C17orf107: variants seen among roughly 807,000 people sequenced by gnomAD.
C17orf107 encodes chromosome 17 open reading frame 107.
C17orf107 carries 9 observed loss-of-function variants against 8.9 expected under a neutral mutation model. The ratio of observed to expected loss-of-function variants is 1.02; its 90% CI spans 0.61 to 1.77. The LOEUF (loss-of-function observed/expected upper bound fraction) is 1.77, where lower values mean the gene tolerates loss of function less well. C17orf107 is among the 40% of genes most tolerant of loss of function. C17orf107 has a pLI of 0.00. For missense variants in C17orf107, 281 were observed against 249.0 expected (o/e 1.13, Z -0.86); for synonymous variants, 139 against 120.3 (o/e 1.16, Z -1.02).
rs745376445 is a variant in C17orf107, at chr17:4,901,216, G to A, written c.*683G>A. The A allele has an allele frequency of 6.3e-7, 1 of 1,594,790 alleles. No homozygotes were observed. The stretch of plus-strand genomic sequence containing the variant: ...CTGCGGGACGGGGGCACGGTCAGCT[G>A]GCTGTCAGAGCGGGGCGCCCGCCGA... On this transcript the variant is annotated 3_prime_UTR_variant, in exon 3 of 3. Transcript: ENST00000381365.
rs1264809873 is a variant in C17orf107 at position 4,900,384 on chromosome 17, G to A, written c.424G>A (p.Ala142Thr). 3 of 1,549,676 alleles carry A rather than the reference G, an allele frequency of 1.9e-6. No homozygotes were observed. Among genetic ancestry groups the A allele is most frequent in the Admixed American group, 2.0e-5 (1 of 50,964 alleles). ...GVRQAGAAVGASARLLVQGAW... is the reference protein window; with the variant it reads ...GVRQAGAAVGTSARLLVQGAW... Reference sequence around the variant, plus strand: ...TCGGCAAGCTGGGGCTGCGGTGGGCGCCAGCGCCCGGCTCCTAGTCCAGGG... The same window carrying A: ...TCGGCAAGCTGGGGCTGCGGTGGGCACCAGCGCCCGGCTCCTAGTCCAGGG... The change falls in exon 3 of 3, where the codon GCC becomes ACC. Residue 142 changes from alanine (A) to threonine (T), a missense_variant. By Grantham distance (58) the Ala-to-Thr change is moderately conservative. Transcript: ENST00000381365.
rs942266501 is a variant in C17orf107 at position 4,901,812 on chromosome 17, A to G, written c.*1279A>G. ...CGCTGGAGCGTCCCACCCAGTGCCT[A>G]CGCCTGGCTCCGCCTCCAGCGCGAA... On this transcript the variant is annotated 3_prime_UTR_variant, in exon 3 of 3. Coordinates refer to ENST00000381365, the MANE Select transcript of C17orf107 (RefSeq NM_001145536.2). The G allele has an allele frequency of 1.4e-6, 2 of 1,456,172 alleles. No individual in the cohort carries two copies. Among genetic ancestry groups the G allele is most frequent in the African/African-American group, 1.4e-5 (1 of 70,962 alleles). The allele number at this position is 1,456,172 out of a possible 1,614,324, so 90.2% of individuals were successfully genotyped here.
chr17:4,906,421 T>C (rs1239994917), downstream of C17orf107, among the ~76,000 whole-genome samples: 4 of 152,160 alleles, frequency 2.6e-5, no homozygotes, highest in African/African-American at 2.4e-5. Flanking sequence ...ATACAGTTAA[T>C]ATAAATTCAC....
Position 4,902,449 on chromosome 17 carries a change from C to T in C17orf107, c.*1916C>T. The T allele has an allele frequency of 6.2e-7, 1 of 1,614,190 alleles. No homozygotes were observed. The highest frequency in any genetic ancestry group is 2.2e-5 in the East Asian group (1 of 44,880). ...CACACCATTCCCCAGATTTGACTCA[C>T]GATTCCAATCCAGACGCTAGTGGTG... On this transcript the variant is annotated 3_prime_UTR_variant, in exon 3 of 3. Transcript: ENST00000381365. This position sits in a 1 kb window ranked among gnomAD's most constrained non-coding sequence, Gnocchi z 4.0.
At chr17:4,904,018 C>T (rs999383618), downstream of C17orf107, among the ~76,000 whole-genome samples, 2 of 152,122 alleles carry the variant, frequency 1.3e-5, no homozygotes, top group African/African-American at 2.4e-5. Context: ...CCACCATGCC[C>T]GGCTAATTTT....
downstream of C17orf107, chr17:4,902,995 G>GC (rs1567640441): frequency 6.2e-7 from 1 of 1,613,908 alleles, no homozygotes; most frequent in South Asian, 1.1e-5. The surrounding 1 kb of genome is among the most constrained non-coding windows in gnomAD (Gnocchi z 4.0). Flanking sequence ...GTGTCCAATT[G>GC]CCCCTCTAGC....
Position 4,902,110 on chromosome 17 carries a change from C to G in C17orf107, c.*1577C>G. ...ATACTGTGGGCTCGGGGAAACCGAG[C>G]TTTTTGCACAGGTCTGCACCCTCTC... On this transcript the variant is annotated 3_prime_UTR_variant, in exon 3 of 3. Coordinates refer to ENST00000381365, the MANE Select transcript of C17orf107 (RefSeq NM_001145536.2). The surrounding 1 kb of genome is among the most constrained non-coding windows in gnomAD (Gnocchi z 4.0). 1 of 1,613,862 alleles carries G rather than the reference C, an allele frequency of 6.2e-7. No individual in the cohort carries two copies. Among genetic ancestry groups the G allele is most frequent in the Admixed American group, 1.7e-5 (1 of 60,008 alleles).
At chr17:4,905,475 G>A (rs964915451), downstream of C17orf107, among the ~76,000 whole-genome samples, 28 of 152,142 alleles carry the variant, frequency 1.8e-4, no homozygotes, top group Admixed American at 1.6e-3. Context: ...TGAGGCGGGA[G>A]GATTGCTTGA....
chr17:4,901,042 G>A lies in C17orf107; in HGVS notation c.*509G>A. On this transcript the variant is annotated 3_prime_UTR_variant, in exon 3 of 3. Transcript: ENST00000381365. ...GCACCAGGCCCGAGATGAGCACACAGGGCACGATGATGTTAATGACGTAGA... is the reference window on the plus strand; with the variant it reads ...GCACCAGGCCCGAGATGAGCACACAAGGCACGATGATGTTAATGACGTAGA... 1 of 1,614,070 alleles carries A rather than the reference G, an allele frequency of 6.2e-7. No homozygotes were observed. The highest frequency in any genetic ancestry group is 8.5e-7 in the Non-Finnish European group (1 of 1,179,966).
Position 4,901,199 on chromosome 17 carries a change from C to T in C17orf107, c.*666C>T, listed in dbSNP as rs1382185555. 9 of 1,599,636 alleles carry T rather than the reference C, an allele frequency of 5.6e-6. No individual in the cohort carries two copies. Among genetic ancestry groups the T allele is most frequent in the African/African-American group, 5.3e-5 (4 of 74,814 alleles). Reference sequence around the variant, plus strand: ...GGCCCACTCGCCGTTCTCTGCGGGACGGGGGCACGGTCAGCTGGCTGTCAG... The same window carrying T: ...GGCCCACTCGCCGTTCTCTGCGGGATGGGGGCACGGTCAGCTGGCTGTCAG... On this transcript the variant is annotated 3_prime_UTR_variant, in exon 3 of 3. Coordinates refer to ENST00000381365, the MANE Select transcript of C17orf107 (RefSeq NM_001145536.2).
In C17orf107 at chr17:4,900,291, C is replaced by T. The variant is rs1164313708; in HGVS notation, c.331C>T (p.Pro111Ser). 3.2e-5 allele frequency: 49 copies of T among 1,545,290 alleles called. No individual in the cohort carries two copies. Among genetic ancestry groups the T allele is most frequent in the Non-Finnish European group, 3.9e-5 (45 of 1,146,646 alleles). The change falls in exon 3 of 3, where the codon CCA becomes TCA. Residue 111 changes from proline to serine, a missense_variant. Transcript: ENST00000381365. ...EARRLDGSAG[P>S]APDGRDPGAA... Reference sequence around the variant, plus strand: ...GCGGCGACTAGACGGCAGCGCGGGCCCAGCCCCAGACGGCAGGGATCCGGG... The same window carrying T: ...GCGGCGACTAGACGGCAGCGCGGGCTCAGCCCCAGACGGCAGGGATCCGGG...
rs1970002532 is a variant in C17orf107, at chr17:4,901,909, G to A, written c.*1376G>A. ...GCCCCCCCCCAACAATAATCGTCCG[G>A]GCCTCGGAGTAGCTCTTCCCACCGG... On this transcript the variant is annotated 3_prime_UTR_variant, in exon 3 of 3. Coordinates refer to ENST00000381365, the MANE Select transcript of C17orf107 (RefSeq NM_001145536.2). 1 of 1,587,446 alleles carries A rather than the reference G, an allele frequency of 6.3e-7. No individual in the cohort carries two copies. The highest frequency in any genetic ancestry group is 1.4e-5 in the African/African-American group (1 of 73,712).
chr17:4,906,429 C>T (rs1324043241), downstream of C17orf107, among the ~76,000 whole-genome samples: 1 of 152,078 alleles, frequency 6.6e-6, no homozygotes, highest in Non-Finnish European at 1.5e-5. Flanking sequence ...AATATAAATT[C>T]ACTCTATCCT....
chr17:4,899,987 G>T lies in C17orf107; in HGVS notation c.118G>T (p.Ala40Ser). Residue 40 changes from alanine (A) to serine (S), a missense_variant, in exon 2 of 3, where the codon GCC becomes TCC. Physicochemically the swap from Ala to Ser is moderately conservative, Grantham distance 99 (BLOSUM62 1). Coordinates refer to ENST00000381365, the MANE Select transcript of C17orf107 (RefSeq NM_001145536.2). ...TTCCCTGGAACTCTCCGTGGCCGCAGCCCATGAATATCTGGAGCAGAGGTT... is the reference window on the plus strand; with the variant it reads ...TTCCCTGGAACTCTCCGTGGCCGCATCCCATGAATATCTGGAGCAGAGGTT... ...LSSLELSVAA[A>S]HEYLEQRFRE... is the part of the protein sequence containing the mutation. The T allele has an allele frequency of 6.4e-7, 1 of 1,551,554 alleles. No homozygotes were observed. The highest frequency in any genetic ancestry group is 2.4e-5 in the East Asian group (1 of 40,926).
Position 4,902,893 on chromosome 17 carries a change from T to C in C17orf107, c.*2360T>C. The stretch of plus-strand genomic sequence containing the variant: ...TATCAGTATCTGTCTCCTAAACCAA[T>C]TATGCTGTGCCTGGGAACGAAATAC... On this transcript the variant is annotated 3_prime_UTR_variant, in exon 3 of 3. Coordinates refer to ENST00000381365, the MANE Select transcript of C17orf107 (RefSeq NM_001145536.2). The surrounding 1 kb of genome is among the most constrained non-coding windows in gnomAD (Gnocchi z 4.0). 1 of 1,581,832 alleles carries C rather than the reference T, an allele frequency of 6.3e-7. No individual in the cohort carries two copies. The highest frequency in any genetic ancestry group is 8.7e-7 in the Non-Finnish European group (1 of 1,151,638).
At chr17:4,904,893 C>T (rs1266986496), downstream of C17orf107, among the ~76,000 whole-genome samples, 1 of 152,178 alleles carries the variant, frequency 6.6e-6, no homozygotes, top group Admixed American at 6.5e-5. Context: ...CTTATCAACC[C>T]CACGATTTCC....
rs1039173948 is a variant in C17orf107, at chr17:4,899,984, G to A, written c.115G>A (p.Ala39Thr). The A allele has an allele frequency of 9.0e-6, 14 of 1,551,366 alleles. No individual in the cohort carries two copies. Among genetic ancestry groups the A allele is most frequent in the Non-Finnish European group, 1.0e-5 (12 of 1,146,962 alleles). The part of the protein sequence containing the change: ...LLSSLELSVA[A>T]AHEYLEQRFR... ...GTCTTCCCTGGAACTCTCCGTGGCCGCAGCCCATGAATATCTGGAGCAGAG... is the reference window on the plus strand; with the variant it reads ...GTCTTCCCTGGAACTCTCCGTGGCCACAGCCCATGAATATCTGGAGCAGAG... Residue 39 changes from alanine (A) to threonine (T), a missense_variant, in exon 2 of 3, where the codon GCA (alanine) becomes ACA (threonine). Ala to Thr is a moderately conservative substitution (Grantham distance 58). Transcript: ENST00000381365.
At position 4,901,303 on chromosome 17, in the gene C17orf107, TG is replaced by T. The variant is rs1969977472; in HGVS notation, c.*775del. 6 of 1,217,946 alleles carry T rather than the reference TG, an allele frequency of 4.9e-6. No individual in the cohort carries two copies. Among genetic ancestry groups the T allele is most frequent in the Non-Finnish European group, 7.0e-6 (6 of 851,846 alleles). 75.4% of individuals were successfully genotyped at this position (1,217,946 alleles called of 1,614,324 possible). On this transcript the variant is annotated 3_prime_UTR_variant, in exon 3 of 3. Transcript: ENST00000381365. ...GCACCAGGGTCATGGGCCGTCAGGA[TG>T]GGGGCAATTACGGACAGAAAAGGGC...
chr17:4,901,873 C>G lies in C17orf107; in HGVS notation c.*1340C>G. The G allele has an allele frequency of 2.0e-6, 3 of 1,476,116 alleles. No homozygotes were observed. Among genetic ancestry groups the G allele is most frequent in the African/African-American group, 1.4e-5 (1 of 70,804 alleles). The allele number at this position is 1,476,116 out of a possible 1,614,324, so 91.4% of individuals were successfully genotyped here. The stretch of plus-strand genomic sequence containing the variant: ...GAGGGCGGTGCTTCCCGGTTGGCCC[C>G]GCCCCATAAGGCCCCCCCCCAACAA... On this transcript the variant is annotated 3_prime_UTR_variant, in exon 3 of 3. Transcript: ENST00000381365.
Sources: allele counts gnomAD v4.1 joint callset (sites outside exome capture counted in the v4.1 genomes callset), GRCh38; gene constraint gnomAD v4.1.1; non-coding constraint Gnocchi (gnomAD v3.1); transcripts MANE v1.5; gene names NCBI Gene and HGNC (gene_info 2026-07-23, HGNC 2026-07-21).